The following YTHDC2 variants were observed in gnomAD, a reference collection of about 807,000 sequenced individuals.
YTHDC2 encodes the protein YTH N6-methyladenosine RNA binding protein C2.
Under a neutral mutation model 174.9 loss-of-function variants are expected in YTHDC2, and 45 were observed. The ratio of observed to expected loss-of-function variants is 0.26; its 90% CI spans 0.20 to 0.33. YTHDC2 has a LOEUF of 0.33. Among genes scored for constraint, YTHDC2 ranks in the 10% least tolerant of loss-of-function variants. The pLI, the probability that YTHDC2 is intolerant of heterozygous loss-of-function variation, is 1.00. For synonymous variants in YTHDC2, 657 were observed against 574.5 expected (o/e 1.14, Z -2.05); for missense variants, 1,650 against 1,723.7 (o/e 0.96, Z 0.76).
At chr5:113,544,859 C>T (rs995365591) in intron 10 of YTHDC2, among the ~76,000 whole-genome samples, 1 of 152,080 alleles carries the variant, frequency 6.6e-6, no homozygotes, top group African/African-American at 2.4e-5. Context: ...TAGTAACCAT[C>T]TTAGCCTAAA....
In YTHDC2 at chr5:113,523,189, T is replaced by C. The variant is rs143993004; in HGVS notation, c.279-1792T>C. On this transcript the variant is annotated intron_variant, in intron 2 of 29. Coordinates refer to ENST00000161863, the MANE Select transcript of YTHDC2 (RefSeq NM_022828.5). Reference sequence around the variant, plus strand: ...GAATAAAATACAATTAAAGGTGAAATATAGCAAAACCTTTCTGAGATGATT... The same window carrying C: ...GAATAAAATACAATTAAAGGTGAAACATAGCAAAACCTTTCTGAGATGATT... Among the ~76,000 whole-genome samples, 128 of 152,240 alleles carry C rather than the reference T, an allele frequency of 8.4e-4. 1 individual carries two copies. The East Asian group carries it at 0.023, about 27-fold the overall frequency.
chr5:113,516,037 T>C (rs1773400555), intron 2 of YTHDC2, among the ~76,000 whole-genome samples: 1 of 152,168 alleles, frequency 6.6e-6, no homozygotes, highest in Non-Finnish European at 1.5e-5. Context: ...AAAATAATCC[T>C]TATGGCAGAG....
At chr5:113,548,335 A>G (rs1023470128) in intron 10 of YTHDC2, among the ~76,000 whole-genome samples, 3 of 152,148 alleles carry the variant, frequency 2.0e-5, no homozygotes, top group Non-Finnish European at 4.4e-5. Flanking sequence ...AACAGTCTTT[A>G]TTCAATTTAC....
At chr5:113,590,793 C>G (rs978793677) in intron 26 of YTHDC2, among the ~76,000 whole-genome samples, 1 of 152,122 alleles carries the variant, frequency 6.6e-6, no homozygotes, top group Admixed American at 6.6e-5. Flanking sequence ...GAGGTATAAA[C>G]CAAAGTTGGT....
intron 5 of YTHDC2, 93 bp from the exon 6 acceptor site, chr5:113,534,212 A>T: frequency 1.1e-6 from 1 of 941,746 alleles, no homozygotes; most frequent in Non-Finnish European, 1.7e-6. Flanking sequence ...AATATTTATT[A>T]AAATGTGTAC....
chr5:113,519,808 C>G (rs754768678), intron 2 of YTHDC2, among the ~76,000 whole-genome samples: 1 of 152,078 alleles, frequency 6.6e-6, no homozygotes, highest in Non-Finnish European at 1.5e-5. Context: ...TAAATTTAAT[C>G]AAGATTAGAA....
At chr5:113,572,034 T>A in intron 23 of YTHDC2, among the ~76,000 whole-genome samples, 1 of 152,210 alleles carries the variant, frequency 6.6e-6, no homozygotes, top group Non-Finnish European at 1.5e-5. Context: ...TTTCTCTTTG[T>A]TCTCTAATTT....
chr5:113,567,525 G>A, intron 22 of YTHDC2, 129 bp from the exon 23 acceptor site: 1 of 804,284 alleles, frequency 1.2e-6, no homozygotes, highest in Non-Finnish European at 1.8e-6. Flanking sequence ...GCGATGACTT[G>A]TTTTAATTTT....
At chr5:113,534,555 C>T (rs1580510528) in intron 6 of YTHDC2, 148 bp downstream of exon 6, 2 of 528,898 alleles carry the variant, frequency 3.8e-6, no homozygotes, top group East Asian at 2.9e-5. Context: ...TTCTTTTGAA[C>T]AGGCTGTAAT....
chr5:113,515,406 G>A (rs1383694880), intron 2 of YTHDC2, 44 bp downstream of exon 2: 2 of 1,511,320 alleles, frequency 1.3e-6, no homozygotes, highest in South Asian at 2.4e-5. Context: ...AAGATTATTT[G>A]CCCAAAAAAG....
At chr5:113,520,415 A>G (rs1773784594) in intron 2 of YTHDC2, among the ~76,000 whole-genome samples, 1 of 152,216 alleles carries the variant, frequency 6.6e-6, no homozygotes, top group South Asian at 2.1e-4. Flanking sequence ...CATAGATGTA[A>G]TATGCTAAAT....
rs576548462 is a variant in YTHDC2 at position 113,580,411 on chromosome 5, G to C, written c.3354+716G>C. ...CTATTTTCTCTTTGCATATACTTCT[G>C]AATTGGGGGTTTGAGGGAGGATGAA... On this transcript the variant is annotated intron_variant, in intron 24 of 29. Coordinates refer to ENST00000161863, the MANE Select transcript of YTHDC2 (RefSeq NM_022828.5). 2.0e-5 allele frequency among the ~76,000 whole-genome samples: 3 copies of C among 152,226 alleles called. No individual in the cohort carries two copies. In the East Asian group the frequency reaches 5.8e-4, roughly 29 times the overall value.
intron 4 of YTHDC2, among the ~76,000 whole-genome samples, chr5:113,532,585 A>C (rs1453744985): frequency 6.6e-6 from 1 of 152,166 alleles, no homozygotes; most frequent in East Asian, 1.9e-4. Flanking sequence ...TTTTCTTTAT[A>C]TATTCAGGTC....
intron 8 of YTHDC2, among the ~76,000 whole-genome samples, chr5:113,539,432 C>A (rs564630733): frequency 6.6e-6 from 1 of 152,184 alleles, no homozygotes; most frequent in Non-Finnish European, 1.5e-5. Context: ...TCCAAACATT[C>A]AGCCACCTTT....
rs1347716150 is a variant in YTHDC2 at position 113,561,957 on chromosome 5, G to GGTGGGTGGGTGT, written c.2322+775_2322+776insGGTGGGTGTGTG. ...GATTTTCTGACCTCTATTAATTGTG[G>GGTGGGTGGGTGT]GTGTGTGTGTGTGTGTGTGTGTGTG... On this transcript the variant is annotated intron_variant, in intron 18 of 29. Transcript: ENST00000161863. Among the ~76,000 whole-genome samples, 485 of 134,944 alleles carry GGTGGGTGGGTGT rather than the reference G, an allele frequency of 3.6e-3. 1 individual carries two copies. The highest frequency in any genetic ancestry group is 0.012 in the Middle Eastern group (3 of 244). 88.5% of individuals were successfully genotyped at this position (134,944 alleles called of 152,430 possible). A position where few individuals can be genotyped will look rare whatever the true frequency, so the allele number is the denominator to read the frequency against.
intron 25 of YTHDC2, chr5:113,582,861 G>A (rs946063339): frequency 1.3e-5 from 2 of 152,088 alleles, no homozygotes; most frequent in Non-Finnish European, 2.9e-5. Flanking sequence ...CAGTTTCCAA[G>A]GAAAGCTTGT....
intron 26 of YTHDC2, among the ~76,000 whole-genome samples, chr5:113,587,776 A>G (rs189437995): frequency 1.1e-3 from 160 of 151,344 alleles, no homozygotes; most frequent in African/African-American, 3.6e-3. Flanking sequence ...CTTTAAAGTC[A>G]GCTTATCAGT....
intron 2 of YTHDC2, among the ~76,000 whole-genome samples, chr5:113,522,733 C>A (rs1195123685): frequency 6.6e-6 from 1 of 152,070 alleles, no homozygotes; most frequent in African/African-American, 2.4e-5. Flanking sequence ...TTTAATGTTT[C>A]CATCCTCACA....
At chr5:113,523,875 A>G (rs1419064910) in intron 2 of YTHDC2, among the ~76,000 whole-genome samples, 1 of 152,094 alleles carries the variant, frequency 6.6e-6, no homozygotes, top group Non-Finnish European at 1.5e-5. Flanking sequence ...CATTGTATTT[A>G]TGGCTCTGTT....
Sources: gnomAD v4.1 joint callset for allele counts (sites outside exome capture counted in the v4.1 genomes callset) on GRCh38, gnomAD v4.1.1 for gene constraint, MANE v1.5 for transcripts, NCBI Gene and HGNC (gene_info 2026-07-23, HGNC 2026-07-21) for gene names.